CCDC150: variants seen among roughly 807,000 people sequenced by gnomAD.
CCDC150 encodes the protein coiled-coil domain-containing protein 150.
In CCDC150, 151 loss-of-function variants were observed where a neutral mutation model predicts 156.5. The ratio of observed to expected loss-of-function variants is 0.97; its 90% CI spans 0.85 to 1.10. The LOEUF is 1.10. CCDC150 is among the 50% of genes least tolerant of loss of function. CCDC150 has a pLI of 0.00. For missense variants in CCDC150, 1,312 were observed against 1,268.1 expected, an observed-to-expected ratio of 1.03 and a Z score of -0.53; for synonymous variants, 452 against 429.4, an observed-to-expected ratio of 1.05 and a Z score of -0.65.
In CCDC150 at chr2:196,690,875, T is replaced by C. The variant is rs193016605; in HGVS notation, c.1510-4171T>C. ...ATGGCTCTTATTATTTTGTGGTATGTTCCTTCAATACCTAGTTTATTGAGA... is the reference window on the plus strand; with the variant it reads ...ATGGCTCTTATTATTTTGTGGTATGCTCCTTCAATACCTAGTTTATTGAGA... On this transcript the variant is annotated intron_variant, in intron 13 of 27. Transcript: ENST00000389175. Among the ~76,000 whole-genome samples the C allele has an allele frequency of 4.7e-4, 71 of 152,340 alleles. 1 individual carries two copies. In the Middle Eastern group the frequency reaches 0.02, roughly 44 times the overall value.
chr2:196,697,149 T>C lies in CCDC150; in HGVS notation c.1623+1990T>C, dbSNP rs1695876418. 7.2e-5 allele frequency among the ~76,000 whole-genome samples: 11 copies of C among 152,256 alleles called. 1 individual carries two copies. The South Asian group carries it at 2.3e-3, about 31-fold the overall frequency. On this transcript the variant is annotated intron_variant, in intron 14 of 27. Transcript: ENST00000389175. ...CTTTATATTCCCTTGCCTAGCATAA[T>C]GCCTAATACATAATAGGTGCTTTAA...
chr2:196,677,251 A>G, intron 12 of CCDC150, 42 bp from the exon 13 acceptor site: 1 of 1,337,068 alleles, frequency 7.5e-7, no homozygotes, highest in Non-Finnish European at 1.1e-6. Flanking sequence ...CAGCTGCTAT[A>G]AAATTGACCT....
chr2:196,668,944 A>T (rs922210936), intron 7 of CCDC150, among the ~76,000 whole-genome samples: 1 of 152,168 alleles, frequency 6.6e-6, no homozygotes, highest in Non-Finnish European at 1.5e-5. Context: ...ATCAGTTTTT[A>T]TGTGTTTTAT....
rs369998723 is a variant in CCDC150, at chr2:196,682,672, T to G, written c.1509+5311T>G. 2.0e-5 allele frequency among the ~76,000 whole-genome samples: 3 copies of G among 152,064 alleles called. No homozygotes were observed. In the East Asian group the frequency reaches 5.8e-4, roughly 29 times the overall value. ...TTCAAGTGAAACGACATACAGCAGG[T>G]CCTTGAATAACATCATTTCATTCAG... On this transcript the variant is annotated intron_variant, in intron 13 of 27. Coordinates refer to ENST00000389175, the MANE Select transcript of CCDC150 (RefSeq NM_001080539.2).
intron 21 of CCDC150, among the ~76,000 whole-genome samples, chr2:196,722,991 T>C (rs1341376462): frequency 2.6e-5 from 4 of 152,226 alleles, no homozygotes; most frequent in African/African-American, 9.6e-5. Flanking sequence ...ATGATAATAG[T>C]TTGTATTTTC....
intron 13 of CCDC150, among the ~76,000 whole-genome samples, chr2:196,681,062 T>A (rs562941555): frequency 4.7e-4 from 72 of 152,314 alleles, no homozygotes; most frequent in Middle Eastern, 3.4e-3. Flanking sequence ...ATTCAAAATA[T>A]TTTCATCACC....
chr2:196,653,727 T>A (rs2125579617), intron 2 of CCDC150, among the ~76,000 whole-genome samples: 1 of 152,330 alleles, frequency 6.6e-6, no homozygotes, highest in South Asian at 2.1e-4. Context: ...ATTACCCAGT[T>A]CCAAAGCTGC....
Position 196,665,607 on chromosome 2 carries a change from C to G in CCDC150, c.686C>G (p.Ser229Cys), listed in dbSNP as rs747079980. Residue 229 changes from serine (S) to cysteine (C), a missense_variant, in exon 6 of 28, where the codon TCT becomes TGT. Coordinates refer to ENST00000389175, the MANE Select transcript of CCDC150 (RefSeq NM_001080539.2). The stretch of plus-strand genomic sequence containing the variant: ...GCTCAGGAGAAGTACCTTAGGGAAT[C>G]TTTAGAGAAATCAGCATCAGCCATG... ...QLAQEKYLRE[S>C]LEKSASAMLL... 1 of 1,605,922 alleles carries G rather than the reference C, an allele frequency of 6.2e-7. No individual in the cohort carries two copies. The highest frequency in any genetic ancestry group is 8.5e-7 in the Non-Finnish European group (1 of 1,176,420).
intron 14 of CCDC150, among the ~76,000 whole-genome samples, chr2:196,697,012 C>T (rs1418776649): frequency 6.6e-6 from 1 of 152,100 alleles, no homozygotes; most frequent in Non-Finnish European, 1.5e-5. Context: ...TGTAGGTATC[C>T]CACAGTATAC....
At chr2:196,665,298 T>G (rs1419686384) in intron 5 of CCDC150, among the ~76,000 whole-genome samples, 1 of 152,220 alleles carries the variant, frequency 6.6e-6, no homozygotes, top group African/African-American at 2.4e-5. Context: ...TCTGAGTGCT[T>G]CTTTCAATTT....
At chr2:196,713,817 A>G (rs1697303005) in intron 17 of CCDC150, 3 of 1,015,924 alleles carry the variant, frequency 3.0e-6, no homozygotes, top group African/African-American at 3.3e-5. Flanking sequence ...AAAAAAGACT[A>G]ATATAGATTG....
At chr2:196,663,514 G>C (rs1257977969) in intron 5 of CCDC150, among the ~76,000 whole-genome samples, 1 of 151,780 alleles carries the variant, frequency 6.6e-6, no homozygotes, top group East Asian at 1.9e-4. Context: ...AAATTATGAA[G>C]GTAATAATTG....
intron 15 of CCDC150, among the ~76,000 whole-genome samples, chr2:196,702,191 G>A (rs1696256966): frequency 6.6e-6 from 1 of 152,178 alleles, no homozygotes. Context: ...GGAGGCTATG[G>A]TGAGTTATGA....
chr2:196,673,739 T>C (rs555050203), intron 9 of CCDC150, among the ~76,000 whole-genome samples: 40 of 152,308 alleles, frequency 2.6e-4, no homozygotes, highest in African/African-American at 8.7e-4. Flanking sequence ...ATATATGATA[T>C]ATCTGTGTAG....
intron 13 of CCDC150, among the ~76,000 whole-genome samples, chr2:196,687,674 G>A (rs967185091): frequency 1.3e-4 from 20 of 152,014 alleles, no homozygotes; most frequent in African/African-American, 3.9e-4. Context: ...ATCTTTGCTC[G>A]TGCCTATGTT....
Position 196,713,683 on chromosome 2 carries a change from G to A in CCDC150, c.1866+944G>A, listed in dbSNP as rs1332207013. 1.4e-5 allele frequency: 20 copies of A among 1,400,200 alleles called. No homozygotes were observed. The East Asian group carries it at 1.6e-4, about 11-fold the overall frequency. 86.7% of individuals were successfully genotyped at this position (1,400,200 alleles called of 1,614,324 possible). A position where few individuals can be genotyped will look rare whatever the true frequency, so the allele number is the denominator to read the frequency against. The stretch of plus-strand genomic sequence containing the variant: ...CACCAAATTTTCTTAAACAGGACTC[G>A]GTAAGTGAAGACCACAAATTAAATC... On this transcript the variant is annotated intron_variant, in intron 17 of 27. Transcript: ENST00000389175.
intron 13 of CCDC150, among the ~76,000 whole-genome samples, chr2:196,686,816 C>T (rs968381820): frequency 5.3e-5 from 8 of 152,152 alleles, no homozygotes; most frequent in Non-Finnish European, 7.3e-5. Flanking sequence ...TCTGTGTATC[C>T]ATATATTCTC....
In CCDC150 at chr2:196,678,199, C is replaced by T. The variant is rs577936551; in HGVS notation, c.1509+838C>T. The stretch of plus-strand genomic sequence containing the variant: ...TGAAGAGAGTAAAGATTATGTATCA[C>T]TGTCATCTGGAGAATATATCTGGAG... On this transcript the variant is annotated intron_variant, in intron 13 of 27. Transcript: ENST00000389175. Among the ~76,000 whole-genome samples, 3 of 152,294 alleles carry T rather than the reference C, an allele frequency of 2.0e-5. No individual in the cohort carries two copies. The South Asian group carries it at 6.2e-4, about 32-fold the overall frequency.
intron 8 of CCDC150, among the ~76,000 whole-genome samples, chr2:196,670,183 TTGG>T (rs772393724): frequency 2.0e-5 from 3 of 152,178 alleles, no homozygotes; most frequent in Non-Finnish European, 4.4e-5. Flanking sequence ...CTTTTTGGTG[TTGG>T]TGGTTGCACA....
Sources: gnomAD v4.1 joint callset for allele counts (sites outside exome capture counted in the v4.1 genomes callset) on GRCh38, gnomAD v4.1.1 for gene constraint, MANE v1.5 for transcripts, NCBI Gene and HGNC (gene_info 2026-07-23, HGNC 2026-07-21) for gene names.